Variants in SEZ6L2 observed in about 807,000 individuals in gnomAD.
The protein encoded by SEZ6L2 is seizure related 6 homolog like 2.
Under a neutral mutation model 97.0 loss-of-function variants are expected in SEZ6L2, and 44 were observed. The ratio of observed to expected loss-of-function variants is 0.45; its 90% CI spans 0.36 to 0.58. SEZ6L2 has a LOEUF of 0.58. Among genes scored for constraint, SEZ6L2 ranks in the 20% least tolerant of loss-of-function variants. SEZ6L2 has a pLI of 0.00. For missense variants in SEZ6L2, 1,086 were observed against 1,233.3 expected (o/e 0.88, Z 1.79); for synonymous variants, 543 against 546.1 (o/e 0.99, Z 0.08).
chr16:29,888,695 C>G lies in SEZ6L2; in HGVS notation c.884G>C (p.Arg295Pro), dbSNP rs1460587187. 3.7e-6 allele frequency: 6 copies of G among 1,613,288 alleles called. No individual in the cohort carries two copies. The highest frequency in any genetic ancestry group is 3.3e-5 in the South Asian group (3 of 91,058). ...CACACTCACGTCCCCATGGGCCGGCCGGGGAGGGAAGCCACAGCTCAGGAG... is the reference window on the plus strand; with the variant it reads ...CACACTCACGTCCCCATGGGCCGGCGGGGGAGGGAAGCCACAGCTCAGGAG... ...AYLLSCGFPP[R>P]PAHGDVSVTD... Residue 295 changes from arginine to proline, a missense_variant, in exon 6 of 18, where the codon CGG becomes CCG. Transcript: ENST00000617533.
rs367843207 is a variant in SEZ6L2 at position 29,885,638 on chromosome 16, C to T, written c.1320G>A (p.Glu440=). The T allele has an allele frequency of 3.1e-6, 5 of 1,614,096 alleles. No homozygotes were observed. Among genetic ancestry groups the T allele is most frequent in the South Asian group, 1.1e-5 (1 of 91,076 alleles). Residue 440 remains glutamate, a synonymous_variant, in exon 8 of 18, where the codon GAG becomes GAA. Transcript: ENST00000617533. ...LISDAQSLYV[E]LLSETPANPL... ...GATTGGCAGGTGTCTCTGACAGCAG[C>T]TCCACGTAGAGGGACTGGGCGTCAC...
In SEZ6L2 at chr16:29,872,181, G is replaced by A. The variant is rs1167038679; in HGVS notation, c.2742+6C>T. On this transcript the variant is annotated splice_donor_region_variant and intron_variant, in intron 17 of 17. Transcript: ENST00000617533. ...GTGGCTCTTCAGGGGCAGGCAAGGT[G>A]CTTACCCCAGCTTCATACAGCGGGT... 3 of 1,592,294 alleles carry A rather than the reference G, an allele frequency of 1.9e-6. No individual in the cohort carries two copies. In the African/African-American group the frequency reaches 4.0e-5, roughly 21 times the overall value.
intron 8 of SEZ6L2, among the ~76,000 whole-genome samples, chr16:29,884,523 G>T (rs2068092266): frequency 6.6e-6 from 1 of 150,644 alleles, no homozygotes; most frequent in Non-Finnish European, 1.5e-5. Context: ...ACCTGGAGGA[G>T]GGGGGCTGCA....
chr16:29,880,148 G>T, intron 8 of SEZ6L2, 84 bp from the exon 9 acceptor site: 6 of 1,289,940 alleles, frequency 4.7e-6, no homozygotes, highest in Non-Finnish European at 4.3e-6. Flanking sequence ...GAATTGGGGT[G>T]TTCTTTGGCC....
Position 29,876,706 on chromosome 16 carries a change from G to A in SEZ6L2, c.2104+50C>T. 1 of 1,470,112 alleles carries A rather than the reference G, an allele frequency of 6.8e-7. No homozygotes were observed. Among genetic ancestry groups the A allele is most frequent in the Non-Finnish European group, 9.1e-7 (1 of 1,100,014 alleles). 91.1% of individuals were successfully genotyped at this position (1,470,112 alleles called of 1,614,324 possible). On this transcript the variant is annotated intron_variant, in intron 12 of 17. Coordinates refer to ENST00000617533, the MANE Select transcript of SEZ6L2 (RefSeq NM_001243332.2). The surrounding 1 kb of genome is among the most constrained non-coding windows in gnomAD (Gnocchi z 6.5). The stretch of plus-strand genomic sequence containing the variant: ...CGGGACAGGACAGGCCGACGACGGG[G>A]CCCACAGGGAAGGGGCGGGGCCGAG...
Position 29,876,944 on chromosome 16 carries a change from G to C in SEZ6L2, c.1916C>G (p.Pro639Arg). Residue 639 changes from proline to arginine, a missense_variant, in exon 12 of 18, where the codon CCG (proline) becomes CGG (arginine). Around this residue, in one of 2 missense-constraint regions of SEZ6L2, gnomAD observed 310 missense variants for 438.6 expected, o/e 0.71. Coordinates refer to ENST00000617533, the MANE Select transcript of SEZ6L2 (RefSeq NM_001243332.2). The surrounding 1 kb of genome is among the most constrained non-coding windows in gnomAD (Gnocchi z 6.5). ...CAGCTCGGGGCACGTGTCGTTCCTC[G>C]GGACCTCTGCAGGGGAGGGAAGGCG... ...QGFVLHFKEV[P>R]RNDTCPELPP... 6.2e-7 allele frequency: 1 copy of C among 1,603,996 alleles called. No homozygotes were observed. The highest frequency in any genetic ancestry group is 8.5e-7 in the Non-Finnish European group (1 of 1,173,364).
chr16:29,879,289 G>T (rs779038857), intron 9 of SEZ6L2, among the ~76,000 whole-genome samples: 2 of 149,872 alleles, frequency 1.3e-5, no homozygotes, highest in African/African-American at 2.5e-5. Context: ...GCAGTGCTGC[G>T]ATCTCGGCTC....
At chr16:29,883,187 C>T (rs1002635046) in intron 8 of SEZ6L2, among the ~76,000 whole-genome samples, 5 of 152,158 alleles carry the variant, frequency 3.3e-5, no homozygotes, top group Admixed American at 2.0e-4. Context: ...TCTTTTTGGT[C>T]TCTCTCTTGC....
rs755523907 is a variant in SEZ6L2 at position 29,880,006 on chromosome 16, C to T, written c.1431G>A (p.Thr477=). Residue 477 remains threonine, a synonymous_variant, in exon 9 of 18, where the codon ACG becomes ACA. Coordinates refer to ENST00000617533, the MANE Select transcript of SEZ6L2 (RefSeq NM_001243332.2). The part of the protein sequence containing the change: ...PFLAHGNVTT[T]DPEYRPGALA... ...GTGCCCCTGGGCGATACTCAGGGTC[C>T]GTGGTAGTGACATTTCCATGTGCCA... The T allele has an allele frequency of 5.6e-6, 9 of 1,614,030 alleles. No individual in the cohort carries two copies. Among genetic ancestry groups the T allele is most frequent in the Middle Eastern group, 1.6e-4 (1 of 6,084 alleles).
At chr16:29,887,126 A>T (rs2068157743) in intron 7 of SEZ6L2, among the ~76,000 whole-genome samples, 1 of 150,870 alleles carries the variant, frequency 6.6e-6, no homozygotes, top group Non-Finnish European at 1.5e-5. Flanking sequence ...GGTTGCGGTA[A>T]GCCAAGACTG....
In SEZ6L2 at chr16:29,887,778, C is replaced by A. The variant is rs774342907; in HGVS notation, c.1079G>T (p.Arg360Leu). The A allele has an allele frequency of 1.2e-6, 2 of 1,613,644 alleles. No homozygotes were observed. The highest frequency in any genetic ancestry group is 1.7e-6 in the Non-Finnish European group (2 of 1,179,908). Residue 360 changes from arginine (R) to leucine (L), a missense_variant, in exon 7 of 18, where the codon CGC (arginine) becomes CTC (leucine). Arg to Leu is a moderately radical substitution (Grantham distance 102, BLOSUM62 -2). Transcript: ENST00000617533. ...GGTIHNATLG[R>L]IVSPEPGGAV... ...TCCCCCAGGCTCTGGGGACACGATG[C>A]GGCCCAGGGTGGCATTGTGGATGGT... is the stretch of plus-strand genomic sequence containing the variant.
chr16:29,897,061 G>C lies in SEZ6L2; in HGVS notation c.272C>G (p.Ser91Cys), dbSNP rs757593078. 11 of 1,582,288 alleles carry C rather than the reference G, an allele frequency of 7.0e-6. No homozygotes were observed. The highest frequency in any genetic ancestry group is 9.4e-6 in the Non-Finnish European group (11 of 1,171,912). The change falls in exon 3 of 18, where the codon TCC becomes TGC. Residue 91 changes from serine to cysteine, a missense_variant. Ser to Cys is a moderately radical substitution (Grantham distance 112). Coordinates refer to ENST00000617533, the MANE Select transcript of SEZ6L2 (RefSeq NM_001243332.2). Reference protein sequence around the residue: ...PPAGQTLAVPSLPRATEPGTG... With the variant: ...PPAGQTLAVPCLPRATEPGTG... ...CCCCGGCTCAGTGGCCCGTGGCAGG[G>C]AGGGCACTGCGAGAGTCTGGCCGGC...
chr16:29,881,703 C>G (rs1048620584), intron 8 of SEZ6L2, among the ~76,000 whole-genome samples: 2 of 143,238 alleles, frequency 1.4e-5, no homozygotes, highest in African/African-American at 5.2e-5. Context: ...TCTCGGCTCA[C>G]TGCAACCTCT....
At chr16:29,893,123 G>A (rs1191334545) in intron 5 of SEZ6L2, among the ~76,000 whole-genome samples, 2 of 152,012 alleles carry the variant, frequency 1.3e-5, no homozygotes, top group African/African-American at 2.4e-5. Flanking sequence ...TCGGGAGTTC[G>A]AGACCAGCCT....
intron 5 of SEZ6L2, among the ~76,000 whole-genome samples, chr16:29,893,289 A>T (rs1362386896): frequency 6.6e-6 from 1 of 152,056 alleles, no homozygotes; most frequent in Non-Finnish European, 1.5e-5. Flanking sequence ...GCGCCATTGC[A>T]TTCCAGCCTG....
At chr16:29,880,123 T>A in intron 8 of SEZ6L2, 59 bp from the exon 9 acceptor site, 1 of 1,539,922 alleles carries the variant, frequency 6.5e-7, no homozygotes, top group Middle Eastern at 1.7e-4. Flanking sequence ...GGATCTTAAA[T>A]TGGGGATGTG....
At chr16:29,885,024 G>A (rs2068105479) in intron 8 of SEZ6L2, among the ~76,000 whole-genome samples, 1 of 151,678 alleles carries the variant, frequency 6.6e-6, no homozygotes, top group Non-Finnish European at 1.5e-5. Context: ...TGGCTAACAC[G>A]GTGAAACCCC....
chr16:29,891,640 C>CA (rs932464606), intron 5 of SEZ6L2, among the ~76,000 whole-genome samples: 93 of 135,820 alleles, frequency 6.8e-4, no homozygotes, highest in African/African-American at 7.6e-4. Flanking sequence ...GACTCCGTCT[C>CA]AAAAAAAAAA....
rs556364210 is a variant in SEZ6L2 at position 29,899,110 on chromosome 16, GT to G, written c.-92del. 44,334 of 487,506 alleles carry G rather than the reference GT, an allele frequency of 0.091. 131 individuals are homozygous for G. Among genetic ancestry groups the G allele is most frequent in the East Asian group, 0.19 (4,257 of 22,840 alleles). The allele number at this position is 487,506 out of a possible 1,614,324, so 30.2% of individuals were successfully genotyped here. A position where few individuals can be genotyped will look rare whatever the true frequency, so the allele number is the denominator to read the frequency against. Reference sequence around the variant, plus strand: ...TCTCCGTTTATCTTTCCCTTTAATTGTTTTTTTTTTTTTTTTTTTTTTCCTC... The same window carrying G: ...TCTCCGTTTATCTTTCCCTTTAATTGTTTTTTTTTTTTTTTTTTTTTCCTC... On this transcript the variant is annotated 5_prime_UTR_variant, in exon 1 of 18. Transcript: ENST00000617533.
Sources: gnomAD v4.1 joint callset for allele counts (sites outside exome capture counted in the v4.1 genomes callset) on GRCh38, gnomAD v4.1.1 for gene constraint, gnomAD v4.1.1 regional missense constraint, Gnocchi (gnomAD v3.1) non-coding constraint, MANE v1.5 for transcripts, NCBI Gene and HGNC (gene_info 2026-07-23, HGNC 2026-07-21) for gene names.